Variants in CSMD1 observed in about 807,000 individuals in gnomAD.
CSMD1 encodes CUB and sushi domain-containing protein 1.
Under a neutral mutation model 417.5 loss-of-function variants are expected in CSMD1, and 213 were observed. That is an observed-to-expected ratio of 0.51 (90% confidence interval 0.46 to 0.57). The LOEUF (loss-of-function observed/expected upper bound fraction) is 0.57. Ranked by LOEUF, CSMD1 falls within the 20% of genes least tolerant of loss-of-function variation. The probability of loss-of-function intolerance (pLI) is 0.00; values close to 1 mark genes in which losing one functional copy is unlikely to be tolerated. For synonymous variants in CSMD1, 2,862 were observed against 1,736.8 expected (o/e 1.65, Z -16.11); for missense variants, 6,923 against 4,529.7 (o/e 1.53, Z -15.17).
chr8:3,446,905 C>G (rs1554555440), intron 12 of CSMD1, among the ~76,000 whole-genome samples: 1 of 152,094 alleles, frequency 6.6e-6, no homozygotes, highest in Non-Finnish European at 1.5e-5. Context: ...AATTAAAGCA[C>G]TAATTGAGTT....
intron 2 of CSMD1, among the ~76,000 whole-genome samples, chr8:4,540,063 C>T (rs1381865052): frequency 6.6e-6 from 1 of 152,148 alleles, no homozygotes; most frequent in African/African-American, 2.4e-5. Context: ...CGGCTTCTTT[C>T]TGTCATATTA....
At chr8:3,601,692 G>C (rs1042595927) in intron 8 of CSMD1, among the ~76,000 whole-genome samples, 2 of 152,174 alleles carry the variant, frequency 1.3e-5, no homozygotes, top group South Asian at 2.1e-4. Flanking sequence ...ATATGCAGAA[G>C]AGTTATCAAC....
At chr8:3,528,975 A>C (rs575779119) in intron 10 of CSMD1, among the ~76,000 whole-genome samples, 1 of 152,342 alleles carries the variant, frequency 6.6e-6, no homozygotes, top group East Asian at 1.9e-4. Flanking sequence ...GACAGTTGAT[A>C]TACATTTATA....
chr8:3,504,899 G>C (rs79618034), intron 10 of CSMD1, among the ~76,000 whole-genome samples: 9,448 of 152,106 alleles, frequency 0.062, 378 homozygotes, highest in Admixed American at 0.14. Context: ...TTCTGAAGCA[G>C]AACCCGTCAA....
intron 3 of CSMD1, among the ~76,000 whole-genome samples, chr8:4,042,691 T>G (rs180767111): frequency 6.6e-6 from 1 of 151,484 alleles, no homozygotes; most frequent in Non-Finnish European, 1.5e-5. Context: ...ATAATATATA[T>G]TTTAGGTTTC....
In CSMD1 at chr8:4,418,285, G is replaced by C. The variant is rs546488904; in HGVS notation, c.415+1668C>G. Among the ~76,000 whole-genome samples, 9 of 152,072 alleles carry C rather than the reference G, an allele frequency of 5.9e-5. 1 individual carries two copies. The South Asian group carries it at 1.9e-3, about 32-fold the overall frequency. ...ACTTATGGCCCTATTCCATTTTCTA[G>C]AAAGTTTTTCAGTTGATCTTTTGGA... On this transcript the variant is annotated intron_variant, in intron 3 of 69. Coordinates refer to ENST00000635120, the MANE Select transcript of CSMD1 (RefSeq NM_033225.6).
At chr8:3,846,042 A>C (rs1463993099) in intron 5 of CSMD1, among the ~76,000 whole-genome samples, 1 of 151,864 alleles carries the variant, frequency 6.6e-6, no homozygotes, top group African/African-American at 2.4e-5. Context: ...GCTGCCTAAG[A>C]CTGCTTTACA....
intron 3 of CSMD1, among the ~76,000 whole-genome samples, chr8:4,255,700 C>A (rs532051453): frequency 6.6e-6 from 1 of 152,314 alleles, no homozygotes; most frequent in South Asian, 2.1e-4. Context: ...GTTGAATTAT[C>A]TTAGGCACTG....
chr8:2,986,574 A>G (rs1271555463), intron 54 of CSMD1, among the ~76,000 whole-genome samples: 1 of 151,920 alleles, frequency 6.6e-6, no homozygotes, highest in African/African-American at 2.4e-5. Context: ...GCGCGATCTC[A>G]GCTCACTGCA....
At chr8:4,342,577 T>A (rs536425495) in intron 3 of CSMD1, among the ~76,000 whole-genome samples, 2 of 152,022 alleles carry the variant, frequency 1.3e-5, no homozygotes, top group African/African-American at 4.8e-5. Flanking sequence ...GATGGACACT[T>A]CCCCATAAGG....
At chr8:3,564,552 T>TAA (rs1799617024) in intron 10 of CSMD1, among the ~76,000 whole-genome samples, 1 of 151,954 alleles carries the variant, frequency 6.6e-6, no homozygotes, top group African/African-American at 2.4e-5. Flanking sequence ...TGTGTGTGTA[T>TAA]AATACATGTT....
intron 3 of CSMD1, among the ~76,000 whole-genome samples, chr8:4,406,780 T>C (rs903976017): frequency 1.3e-5 from 2 of 152,218 alleles, no homozygotes; most frequent in African/African-American, 4.8e-5. Context: ...CTAGAACTCC[T>C]GAGTCATCTG....
rs1798801193 is a variant in CSMD1 at position 3,668,156 on chromosome 8, G to T, written c.1009+40258C>A. Among the ~76,000 whole-genome samples the T allele has an allele frequency of 2.0e-5, 3 of 152,240 alleles. No individual in the cohort carries two copies. The Middle Eastern group carries it at 0.01, about 518-fold the overall frequency. On this transcript the variant is annotated intron_variant, in intron 7 of 69. Coordinates refer to ENST00000635120, the MANE Select transcript of CSMD1 (RefSeq NM_033225.6). ...TTGGACAGATAACGAATCTACAGGG[G>T]TGTGCAGAGGGGCTGACCTCTGAGA...
intron 8 of CSMD1, among the ~76,000 whole-genome samples, chr8:3,596,030 A>G (rs113954310): frequency 1.7e-4 from 26 of 150,044 alleles, no homozygotes; most frequent in African/African-American, 5.7e-4. Context: ...GAGGAGAGCA[A>G]CGTCAGTGCC....
At chr8:4,877,984 C>T (rs186320397) in intron 1 of CSMD1, among the ~76,000 whole-genome samples, 7 of 152,170 alleles carry the variant, frequency 4.6e-5, no homozygotes, top group African/African-American at 1.2e-4. Context: ...TATGTGCACA[C>T]CCATGACCCT....
At chr8:4,352,912 T>A (rs1801181464) in intron 3 of CSMD1, among the ~76,000 whole-genome samples, 2 of 152,200 alleles carry the variant, frequency 1.3e-5, no homozygotes, top group Non-Finnish European at 2.9e-5. Context: ...CTAGAAAGAT[T>A]TAGGCAAAAT....
intron 10 of CSMD1, among the ~76,000 whole-genome samples, chr8:3,511,934 A>G (rs915810624): frequency 1.3e-5 from 2 of 150,744 alleles, no homozygotes; most frequent in Non-Finnish European, 2.9e-5. Context: ...TTGTTATATG[A>G]TGATTTTTGG....
chr8:4,441,990 G>A (rs1321806890), intron 2 of CSMD1, among the ~76,000 whole-genome samples: 2 of 152,100 alleles, frequency 1.3e-5, no homozygotes, highest in Admixed American at 6.6e-5. Context: ...AATAATAAAA[G>A]GTAGACTTGC....
At chr8:4,150,107 G>A (rs943671718) in intron 3 of CSMD1, among the ~76,000 whole-genome samples, 6 of 152,126 alleles carry the variant, frequency 3.9e-5, no homozygotes, top group African/African-American at 1.4e-4. Flanking sequence ...TTAAGGGAGT[G>A]TATTTTCCAC....
Sources: allele counts gnomAD v4.1 joint callset (sites outside exome capture counted in the v4.1 genomes callset), GRCh38; gene constraint gnomAD v4.1.1; transcripts MANE v1.5; gene names NCBI Gene and HGNC (gene_info 2026-07-23, HGNC 2026-07-21).